Variants in CLYBL observed in about 807,000 individuals in gnomAD.
CLYBL encodes the protein citramalyl-CoA lyase, mitochondrial.
Under a neutral mutation model 38.9 loss-of-function variants are expected in CLYBL, and 31 were observed. The observed-to-expected ratio is 0.80, with a 90% confidence interval of 0.60 to 1.08. The LOEUF (loss-of-function observed/expected upper bound fraction) is 1.08, where lower values mean the gene tolerates loss of function less well. CLYBL is among the 50% of genes least tolerant of loss of function. The probability of loss-of-function intolerance (pLI) is 0.00; values close to 1 mark genes in which losing one functional copy is unlikely to be tolerated. For synonymous variants in CLYBL, 171 were observed against 158.6 expected, an observed-to-expected ratio of 1.08 and a Z score of -0.59; for missense variants, 434 against 411.6, an observed-to-expected ratio of 1.05 and a Z score of -0.47.
chr13:99,711,229 GGT>G (rs1001827339), intron 1 of CLYBL, among the ~76,000 whole-genome samples: 11 of 151,784 alleles, frequency 7.2e-5, no homozygotes, highest in African/African-American at 2.7e-4. Context: ...CCATAAACTG[GGT>G]GTCTTATAAG....
At chr13:99,761,908 C>T (rs901989464) in intron 1 of CLYBL, among the ~76,000 whole-genome samples, 1 of 152,158 alleles carries the variant, frequency 6.6e-6, no homozygotes, top group Non-Finnish European at 1.5e-5. Flanking sequence ...ATTTGCATTC[C>T]TCTGATGACT....
At chr13:99,666,961 C>T (rs1221005848) in intron 1 of CLYBL, among the ~76,000 whole-genome samples, 7 of 152,130 alleles carry the variant, frequency 4.6e-5, no homozygotes, top group Admixed American at 2.6e-4. Flanking sequence ...GGATGCCTCT[C>T]ACCCTGCATA....
chr13:99,669,525 G>A (rs1013738363), intron 1 of CLYBL, among the ~76,000 whole-genome samples: 1 of 152,168 alleles, frequency 6.6e-6, no homozygotes, highest in Non-Finnish European at 1.5e-5. Context: ...AAGAACCTTA[G>A]CTTTTCCCAA....
At chr13:99,682,264 C>A (rs953429694) in intron 1 of CLYBL, among the ~76,000 whole-genome samples, 2 of 152,070 alleles carry the variant, frequency 1.3e-5, no homozygotes, top group Non-Finnish European at 2.9e-5. Flanking sequence ...CTGCCTCAGC[C>A]TCCTGAGTAG....
At chr13:99,648,528 A>C (rs919515485) in intron 1 of CLYBL, among the ~76,000 whole-genome samples, 4 of 152,180 alleles carry the variant, frequency 2.6e-5, no homozygotes, top group Admixed American at 2.0e-4. Context: ...TGATTAGTGG[A>C]GCTGCCTGCG....
intron 1 of CLYBL, among the ~76,000 whole-genome samples, chr13:99,678,529 AGAAAATTAG>A (rs1322353627): frequency 6.6e-6 from 1 of 152,238 alleles, no homozygotes; most frequent in Non-Finnish European, 1.5e-5. Context: ...CATCCAGCTG[AGAAAATTAG>A]TTTGCATCAA....
At chr13:99,728,341 C>T (rs1377917895) in intron 1 of CLYBL, among the ~76,000 whole-genome samples, 2 of 148,230 alleles carry the variant, frequency 1.3e-5, no homozygotes, top group Non-Finnish European at 1.5e-5. Flanking sequence ...TGCAGTGGCA[C>T]GATTTCGGCT....
At chr13:99,616,143 C>CTTTTT (rs34142988) in intron 1 of CLYBL, among the ~76,000 whole-genome samples, 2 of 83,812 alleles carry the variant, frequency 2.4e-5, no homozygotes, top group African/African-American at 5.1e-5. Context: ...CCACGCCTGG[C>CTTTTT]TTTTTTTTTT....
At chr13:99,635,758 G>A (rs1167851326) in intron 1 of CLYBL, among the ~76,000 whole-genome samples, 1 of 152,164 alleles carries the variant, frequency 6.6e-6, no homozygotes, top group African/African-American at 2.4e-5. Flanking sequence ...CTCAATTCTG[G>A]TCTTTCCATT....
rs190373492 is a variant in CLYBL at position 99,824,839 on chromosome 13, C to T, written c.250-34022C>T. ...GTGTTTAATCCAAAGTTGGCTCCGC[C>T]GGTGATGATCAGCTGAGGAAACAAC... On this transcript the variant is annotated intron_variant, in intron 2 of 8. Coordinates refer to ENST00000339105, the MANE Select transcript of CLYBL (RefSeq NM_206808.5). Among the ~76,000 whole-genome samples, 221 of 152,272 alleles carry T rather than the reference C, an allele frequency of 1.5e-3. 3 individuals are homozygous for T. Among genetic ancestry groups the T allele is most frequent in the Non-Finnish European group, 1.1e-3 (74 of 68,024 alleles).
intron 2 of CLYBL, among the ~76,000 whole-genome samples, chr13:99,826,496 A>T (rs2050698484): frequency 6.6e-6 from 1 of 152,156 alleles, no homozygotes; most frequent in African/African-American, 2.4e-5. Context: ...GCTGCTCTCT[A>T]TCCAGAGATT....
chr13:99,800,159 A>G (rs1460904732), intron 2 of CLYBL, among the ~76,000 whole-genome samples: 1 of 152,058 alleles, frequency 6.6e-6, no homozygotes, highest in Admixed American at 6.5e-5. Context: ...TCTCACCCAC[A>G]TGGTTTGGGT....
chr13:99,790,245 G>T (rs2049887828), intron 2 of CLYBL, among the ~76,000 whole-genome samples: 1 of 152,162 alleles, frequency 6.6e-6, no homozygotes, highest in Non-Finnish European at 1.5e-5. Context: ...TCATTATGAT[G>T]TTAGCTGGTT....
intron 2 of CLYBL, among the ~76,000 whole-genome samples, chr13:99,815,859 G>A (rs985386078): frequency 8.5e-5 from 13 of 152,150 alleles, no homozygotes; most frequent in African/African-American, 1.9e-4. Flanking sequence ...CCTGGGTGAC[G>A]GGGAGTGAGA....
At chr13:99,824,460 C>A (rs1281879583) in intron 2 of CLYBL, among the ~76,000 whole-genome samples, 1 of 152,062 alleles carries the variant, frequency 6.6e-6, no homozygotes, top group Non-Finnish European at 1.5e-5. Context: ...CTATTTCTGG[C>A]AAATAAAACA....
At chr13:99,642,813 C>T (rs1046181270) in intron 1 of CLYBL, among the ~76,000 whole-genome samples, 1 of 150,820 alleles carries the variant, frequency 6.6e-6, no homozygotes, top group Non-Finnish European at 1.5e-5. Context: ...GGCTGGAGTG[C>T]AGTAGTGCAA....
At chr13:99,857,884 TCC>T (rs2051498245) in intron 2 of CLYBL, among the ~76,000 whole-genome samples, 1 of 152,220 alleles carries the variant, frequency 6.6e-6, no homozygotes, top group African/African-American at 2.4e-5. Context: ...TAAAAACCCT[TCC>T]CAAATGAAAC....
intron 1 of CLYBL, among the ~76,000 whole-genome samples, chr13:99,743,698 C>T (rs1460634436): frequency 6.6e-6 from 1 of 152,202 alleles, no homozygotes; most frequent in East Asian, 1.9e-4. Context: ...TGCTCAAGAC[C>T]TGGTGGTGTT....
At chr13:99,878,686 A>G (rs1200496182) in intron 7 of CLYBL, among the ~76,000 whole-genome samples, 1 of 152,244 alleles carries the variant, frequency 6.6e-6, no homozygotes, top group Non-Finnish European at 1.5e-5. Context: ...ATTAAGCACA[A>G]AACCTAATTT....
Sources: allele counts gnomAD v4.1 joint callset (sites outside exome capture counted in the v4.1 genomes callset), GRCh38; gene constraint gnomAD v4.1.1; transcripts MANE v1.5; gene names NCBI Gene and HGNC (gene_info 2026-07-23, HGNC 2026-07-21).